The following TMEM74B variants were observed in gnomAD, a reference collection of about 807,000 sequenced individuals.
TMEM74B encodes the protein transmembrane protein 74B, also known as transmembrane protein C20orf46.
Under a neutral mutation model 6.5 loss-of-function variants are expected in TMEM74B, and 7 were observed. The ratio of observed to expected loss-of-function variants is 1.07; its 90% CI spans 0.61 to 2.01. The LOEUF (loss-of-function observed/expected upper bound fraction) is 2.01, where lower values mean the gene tolerates loss of function less well. Ranked by LOEUF, TMEM74B falls within the 30% of genes most tolerant of loss-of-function variation. The probability of loss-of-function intolerance (pLI) is 0.00; values close to 1 mark genes in which losing one functional copy is unlikely to be tolerated. For missense variants in TMEM74B, 342 were observed against 337.0 expected, an observed-to-expected ratio of 1.01 and a Z score of -0.12; for synonymous variants, 151 against 151.6, an observed-to-expected ratio of 1.00 and a Z score of 0.03.
intron 2 of TMEM74B, among the ~76,000 whole-genome samples, chr20:1,182,995 C>T (rs2086912048): frequency 6.6e-6 from 1 of 152,194 alleles, no homozygotes. Flanking sequence ...AGTTGGCAAT[C>T]GGGGCTCTTA....
chr20:1,189,000 C>CG (rs1208872729), upstream of TMEM74B, among the ~76,000 whole-genome samples: 44 of 43,202 alleles, frequency 1.0e-3, no homozygotes, highest in East Asian at 0.019. Context: ...GGGGCGGGGG[C>CG]GGGGGCAGGT....
chr20:1,186,691 C>T (rs2087026363), upstream of TMEM74B, among the ~76,000 whole-genome samples: 1 of 152,196 alleles, frequency 6.6e-6, no homozygotes. Context: ...CTGTGCAGCC[C>T]TCCCCAACCA....
chr20:1,181,155 G>A lies in TMEM74B; in HGVS notation c.464C>T (p.Thr155Ile). The change falls in exon 3 of 3, where the codon ACA (threonine) becomes ATA (isoleucine). Residue 155 changes from threonine to isoleucine, a missense_variant. Coordinates refer to ENST00000429036, the MANE Select transcript of TMEM74B (RefSeq NM_001304748.2). This position sits in a 1 kb window ranked among gnomAD's most constrained non-coding sequence, Gnocchi z 4.9. Reference protein sequence around the residue: ...REARVNPDTVTAREMERLEMY... With the variant: ...REARVNPDTVIAREMERLEMY... ...CTCCAGTCGTTCCATCTCCCGCGCT[G>A]TCACTGTGTCCGGATTGACTCGAGC... 6.2e-7 allele frequency: 1 copy of A among 1,614,190 alleles called. No homozygotes were observed. Among genetic ancestry groups the A allele is most frequent in the East Asian group, 2.2e-5 (1 of 44,876 alleles).
In TMEM74B at chr20:1,184,969, G is replaced by A. The variant is rs1486947215; in HGVS notation, c.-815C>T. Among the ~76,000 whole-genome samples the A allele has an allele frequency of 6.6e-6, 1 of 152,190 alleles. No individual in the cohort carries two copies. Among genetic ancestry groups the A allele is most frequent in the Non-Finnish European group, 1.5e-5 (1 of 68,024 alleles). ...GCTCCTGCCCTTGCCCACAGACGCG[G>A]GACCCGGAAGGCCGAACCGGACCAG... On this transcript the variant is annotated 5_prime_UTR_variant, in exon 1 of 3. Coordinates refer to ENST00000429036, the MANE Select transcript of TMEM74B (RefSeq NM_001304748.2). The surrounding 1 kb of genome is among the most constrained non-coding windows in gnomAD (Gnocchi z 6.0).
Position 1,181,878 on chromosome 20 carries a change from C to T in TMEM74B, c.32-291G>A, listed in dbSNP as rs1445378686. On this transcript the variant is annotated intron_variant, in intron 2 of 2. Coordinates refer to ENST00000429036, the MANE Select transcript of TMEM74B (RefSeq NM_001304748.2). The surrounding 1 kb of genome is among the most constrained non-coding windows in gnomAD (Gnocchi z 4.9). ...TACTACTACCCTCTAGTTCGCAAAG[C>T]TGGAGTAGGATTGAGATAACCTATA... is the stretch of plus-strand genomic sequence containing the variant. Among the ~76,000 whole-genome samples, 2 of 152,164 alleles carry T rather than the reference C, an allele frequency of 1.3e-5. No homozygotes were observed. The highest frequency in any genetic ancestry group is 2.9e-5 in the Non-Finnish European group (2 of 68,036).
At chr20:1,188,612 T>TAC (rs112769739), upstream of TMEM74B, among the ~76,000 whole-genome samples, 6,964 of 128,770 alleles carry the variant, frequency 0.054, 555 homozygotes, top group African/African-American at 0.19. Flanking sequence ...ATACACATAC[T>TAC]ACACACACAC....
rs2086865096 is a variant in TMEM74B, at chr20:1,181,448, C to T, written c.171G>A (p.Glu57=). ...AGGAGAAGCAGGCATTCTCCACACCCTCCCTGGTTGGGGCCACTGGGCCCA... is the reference window on the plus strand; with the variant it reads ...AGGAGAAGCAGGCATTCTCCACACCTTCCCTGGTTGGGGCCACTGGGCCCA... ...APLGPVAPTR[E]GVENACFSSE... The change falls in exon 3 of 3, where the codon GAG becomes GAA. Residue 57 remains glutamate (E), a synonymous_variant. Coordinates refer to ENST00000429036, the MANE Select transcript of TMEM74B (RefSeq NM_001304748.2). The surrounding 1 kb of genome is among the most constrained non-coding windows in gnomAD (Gnocchi z 4.9). 1 of 1,515,538 alleles carries T rather than the reference C, an allele frequency of 6.6e-7. No homozygotes were observed. The highest frequency in any genetic ancestry group is 8.8e-7 in the Non-Finnish European group (1 of 1,132,642). The allele number at this position is 1,515,538 out of a possible 1,614,324, so 93.9% of individuals were successfully genotyped here. A position where few individuals can be genotyped will look rare whatever the true frequency, so the allele number is the denominator to read the frequency against.
chr20:1,181,103 G>A lies in TMEM74B; in HGVS notation c.516C>T (p.His172=), dbSNP rs1387894741. 2.5e-6 allele frequency: 4 copies of A among 1,613,928 alleles called. No homozygotes were observed. The highest frequency in any genetic ancestry group is 2.7e-5 in the African/African-American group (2 of 74,892). ...LEMYYARLGS[H]LDRCIIAGLG... is the part of the protein sequence containing the mutation. ...GGCCTGCGATGATGCACCTGTCCAG[G>A]TGGGAGCCTAGGCGGGCGTAGTACA... Residue 172 remains histidine (H), a synonymous_variant, in exon 3 of 3, where the codon CAC becomes CAT. Coordinates refer to ENST00000429036, the MANE Select transcript of TMEM74B (RefSeq NM_001304748.2). This position sits in a 1 kb window ranked among gnomAD's most constrained non-coding sequence, Gnocchi z 4.9.
chr20:1,183,009 AGATCTAG>A (rs1348856272), intron 2 of TMEM74B, among the ~76,000 whole-genome samples: 6 of 152,168 alleles, frequency 3.9e-5, no homozygotes, highest in African/African-American at 1.4e-4. Flanking sequence ...GCTCTTAGGC[AGATCTAG>A]CCTCTCCCCG....
At chr20:1,186,597 G>A (rs1467500868), upstream of TMEM74B, 1 of 152,196 alleles carries the variant, frequency 6.6e-6, no homozygotes, top group Non-Finnish European at 1.5e-5. Flanking sequence ...AGTTGGCCAT[G>A]TGGAAGGACA....
chr20:1,187,228 ATT>A (rs2087033525), upstream of TMEM74B, among the ~76,000 whole-genome samples: 1 of 152,064 alleles, frequency 6.6e-6, no homozygotes, highest in Non-Finnish European at 1.5e-5. Flanking sequence ...CTCACTCTGA[ATT>A]TTTCTCTATA....
intron 2 of TMEM74B, among the ~76,000 whole-genome samples, chr20:1,182,675 A>G (rs1358441966): frequency 6.6e-6 from 1 of 152,110 alleles, no homozygotes; most frequent in Non-Finnish European, 1.5e-5. Context: ...GAGAAGAGGG[A>G]CACTCTCTGT....
At position 1,180,772 on chromosome 20, in the gene TMEM74B, G is replaced by C; in HGVS notation, c.*76C>G. 6.6e-7 allele frequency: 1 copy of C among 1,508,006 alleles called. No individual in the cohort carries two copies. The highest frequency in any genetic ancestry group is 2.3e-5 in the East Asian group (1 of 43,712). The allele number at this position is 1,508,006 out of a possible 1,614,324, so 93.4% of individuals were successfully genotyped here. A position where few individuals can be genotyped will look rare whatever the true frequency, so the allele number is the denominator to read the frequency against. Reference sequence around the variant, plus strand: ...AGTTTAAAACCCCAGGGCCTTGGCAGGGGTCAGGTGGGCGGGAGCAGGGGG... The same window carrying C: ...AGTTTAAAACCCCAGGGCCTTGGCACGGGTCAGGTGGGCGGGAGCAGGGGG... On this transcript the variant is annotated 3_prime_UTR_variant, in exon 3 of 3. Coordinates refer to ENST00000429036, the MANE Select transcript of TMEM74B (RefSeq NM_001304748.2). The surrounding 1 kb of genome is among the most constrained non-coding windows in gnomAD (Gnocchi z 6.1).
upstream of TMEM74B, among the ~76,000 whole-genome samples, chr20:1,187,034 C>T (rs751058081): frequency 2.0e-5 from 3 of 152,318 alleles, no homozygotes; most frequent in East Asian, 1.9e-4. Context: ...CTCAGTCATG[C>T]GCTGTCCTAC....
At chr20:1,185,994 C>T (rs1424388761), upstream of TMEM74B, 3 of 152,152 alleles carry the variant, frequency 2.0e-5, no homozygotes, top group African/African-American at 7.2e-5. Flanking sequence ...TTTTTTTCTC[C>T]GTGGGACAGT....
chr20:1,183,746 C>G (rs767201761), intron 2 of TMEM74B, 25 bp downstream of exon 2: 11 of 1,613,552 alleles, frequency 6.8e-6, no homozygotes, highest in Non-Finnish European at 6.8e-6. Context: ...TGCAGATTCC[C>G]TAAGAATTAT....
At chr20:1,187,314 G>A (rs2087034474), upstream of TMEM74B, among the ~76,000 whole-genome samples, 5 of 152,100 alleles carry the variant, frequency 3.3e-5, no homozygotes, top group Admixed American at 3.3e-4. Flanking sequence ...AAAAGAAGAG[G>A]GTTTTTGCCT....
chr20:1,180,771 A>T lies in TMEM74B; in HGVS notation c.*77T>A. 1 of 1,506,170 alleles carries T rather than the reference A, an allele frequency of 6.6e-7. No homozygotes were observed. Among genetic ancestry groups the T allele is most frequent in the Non-Finnish European group, 8.9e-7 (1 of 1,127,674 alleles). The allele number at this position is 1,506,170 out of a possible 1,614,324, so 93.3% of individuals were successfully genotyped here. A position where few individuals can be genotyped will look rare whatever the true frequency, so the allele number is the denominator to read the frequency against. On this transcript the variant is annotated 3_prime_UTR_variant, in exon 3 of 3. Transcript: ENST00000429036. The surrounding 1 kb of genome is among the most constrained non-coding windows in gnomAD (Gnocchi z 6.1). ...CAGTTTAAAACCCCAGGGCCTTGGCAGGGGTCAGGTGGGCGGGAGCAGGGG... is the reference window on the plus strand; with the variant it reads ...CAGTTTAAAACCCCAGGGCCTTGGCTGGGGTCAGGTGGGCGGGAGCAGGGG...
At chr20:1,185,885 G>T (rs1300567891), upstream of TMEM74B, among the ~76,000 whole-genome samples, 1 of 150,750 alleles carries the variant, frequency 6.6e-6, no homozygotes, top group East Asian at 2.0e-4. Flanking sequence ...CCTTAGGTCG[G>T]GACGGTCTCC....
Sources: gnomAD v4.1 joint callset for allele counts (sites outside exome capture counted in the v4.1 genomes callset) on GRCh38, gnomAD v4.1.1 for gene constraint, Gnocchi (gnomAD v3.1) non-coding constraint, MANE v1.5 for transcripts, NCBI Gene and HGNC (gene_info 2026-07-23, HGNC 2026-07-21) for gene names.